ADAMTS17: variants seen among roughly 807,000 people sequenced by gnomAD.
ADAMTS17 encodes A disintegrin and metalloproteinase with thrombospondin motifs 17.
Under a neutral mutation model 141.5 loss-of-function variants are expected in ADAMTS17, and 113 were observed. That is an observed-to-expected ratio of 0.80 (90% CI 0.69 to 0.93). The LOEUF is 0.93. Ranked by LOEUF, ADAMTS17 falls within the 40% of genes least tolerant of loss-of-function variation. The probability of loss-of-function intolerance (pLI) is 0.00; values close to 1 mark genes in which losing one functional copy is unlikely to be tolerated. For missense variants in ADAMTS17, 1,659 were observed against 1,517.9 expected, an observed-to-expected ratio of 1.09 and a Z score of -1.54; for synonymous variants, 768 against 630.6, an observed-to-expected ratio of 1.22 and a Z score of -3.27.
In ADAMTS17 at chr15:100,318,834, G is replaced by A. The variant is rs149347000; in HGVS notation, c.616+12055C>T. Among the ~76,000 whole-genome samples, 27 of 152,334 alleles carry A rather than the reference G, an allele frequency of 1.8e-4. No homozygotes were observed. In the East Asian group the frequency reaches 1.9e-3, roughly 11 times the overall value. The stretch of plus-strand genomic sequence containing the variant: ...AAGGGCCAATGTTAACCTACAACAC[G>A]GAGATGGGGGAATCTGGCCAGGACC... On this transcript the variant is annotated intron_variant, in intron 3 of 21. Transcript: ENST00000268070.
chr15:100,098,579 C>G (rs559442702), intron 14 of ADAMTS17, among the ~76,000 whole-genome samples: 7 of 151,918 alleles, frequency 4.6e-5, no homozygotes, highest in African/African-American at 1.7e-4. Flanking sequence ...AGGAGAGTAG[C>G]TTGAACCTGG....
At chr15:100,136,696 G>A (rs914591108) in intron 10 of ADAMTS17, among the ~76,000 whole-genome samples, 1 of 152,142 alleles carries the variant, frequency 6.6e-6, no homozygotes, top group African/African-American at 2.4e-5. Flanking sequence ...TCATAAAGAA[G>A]AGAACTAAAG....
chr15:100,195,426 C>T (rs1287073939), intron 8 of ADAMTS17, among the ~76,000 whole-genome samples: 1 of 151,934 alleles, frequency 6.6e-6, no homozygotes, highest in Non-Finnish European at 1.5e-5. Flanking sequence ...TGAGAAGGCC[C>T]CGGGCAAGAA....
chr15:100,101,467 G>T (rs4354916), intron 14 of ADAMTS17, among the ~76,000 whole-genome samples: 5,388 of 152,270 alleles, frequency 0.035, 338 homozygotes, highest in African/African-American at 0.12. Flanking sequence ...CCACCCTATG[G>T]GTTTTCTGCT....
chr15:100,200,521 C>T (rs1263274989), intron 7 of ADAMTS17, among the ~76,000 whole-genome samples: 1 of 152,104 alleles, frequency 6.6e-6, no homozygotes. Context: ...CAACAGGGCT[C>T]GCTAGGAAAC....
At chr15:100,267,282 C>T (rs1264536969) in intron 4 of ADAMTS17, among the ~76,000 whole-genome samples, 2 of 151,992 alleles carry the variant, frequency 1.3e-5, no homozygotes, top group African/African-American at 4.8e-5. Context: ...CAAAGTTCAT[C>T]CATGCTGTGG....
intron 3 of ADAMTS17, among the ~76,000 whole-genome samples, chr15:100,318,734 G>A (rs1000910254): frequency 6.6e-5 from 10 of 152,304 alleles, no homozygotes; most frequent in Non-Finnish European, 1.2e-4. Context: ...GAAATCTCAC[G>A]CCTGTAAGTG....
At chr15:100,166,219 T>C (rs1188516462) in intron 8 of ADAMTS17, among the ~76,000 whole-genome samples, 4 of 152,246 alleles carry the variant, frequency 2.6e-5, no homozygotes, top group African/African-American at 7.2e-5. Context: ...TTTTATTCTA[T>C]TGTAATGATT....
chr15:100,236,140 A>G (rs1419883012), intron 7 of ADAMTS17, among the ~76,000 whole-genome samples: 1 of 152,194 alleles, frequency 6.6e-6, no homozygotes, highest in African/African-American at 2.4e-5. Flanking sequence ...GAGCAAGAGA[A>G]CACAGGAAGT....
intron 12 of ADAMTS17, among the ~76,000 whole-genome samples, chr15:100,126,572 G>A (rs1457905794): frequency 6.6e-6 from 1 of 152,208 alleles, no homozygotes; most frequent in Non-Finnish European, 1.5e-5. Context: ...TAGCATCTGG[G>A]CCTCAGTGAG....
intron 15 of ADAMTS17, among the ~76,000 whole-genome samples, chr15:100,076,005 T>C (rs1596357169): frequency 1.3e-5 from 2 of 152,164 alleles, no homozygotes; most frequent in Non-Finnish European, 2.9e-5. Flanking sequence ...TGTTTCTTTC[T>C]TGAGGTTTTG....
chr15:100,321,132 C>T (rs1365136401), intron 3 of ADAMTS17, among the ~76,000 whole-genome samples: 1 of 152,132 alleles, frequency 6.6e-6, no homozygotes, highest in African/African-American at 2.4e-5. Context: ...TTTATATTAT[C>T]AATGAAGGAA....
chr15:100,292,648 G>A (rs2044685875), intron 3 of ADAMTS17, among the ~76,000 whole-genome samples: 1 of 152,240 alleles, frequency 6.6e-6, no homozygotes, highest in Non-Finnish European at 1.5e-5. Flanking sequence ...ACCAAGCACT[G>A]AGTCAGGACT....
chr15:100,182,317 G>C (rs529332089), intron 8 of ADAMTS17, among the ~76,000 whole-genome samples: 1 of 152,142 alleles, frequency 6.6e-6, no homozygotes, highest in East Asian at 1.9e-4. Flanking sequence ...ACTCACTATC[G>C]CAAGAACAGC....
rs1369961431 is a variant in ADAMTS17, at chr15:99,997,677, G to A, written c.2592-88C>T. ...CTTCCGGCCGGATCCTGGAATTGCT[G>A]CCCTGTGGTGGGAGAGAGGGAGGCA... On this transcript the variant is annotated intron_variant, in intron 18 of 21. Coordinates refer to ENST00000268070, the MANE Select transcript of ADAMTS17 (RefSeq NM_139057.4). This position sits in a 1 kb window ranked among gnomAD's most constrained non-coding sequence, Gnocchi z 4.7. The A allele has an allele frequency of 3.3e-6, 5 of 1,536,794 alleles. No individual in the cohort carries two copies. Among genetic ancestry groups the A allele is most frequent in the Non-Finnish European group, 3.6e-6 (4 of 1,118,114 alleles).
intron 3 of ADAMTS17, among the ~76,000 whole-genome samples, chr15:100,330,607 A>G (rs1436753991): frequency 6.6e-6 from 1 of 152,108 alleles, no homozygotes; most frequent in African/African-American, 2.4e-5. Context: ...GCTCGGCTAC[A>G]AGGTTTTTTG....
intron 10 of ADAMTS17, among the ~76,000 whole-genome samples, chr15:100,148,501 T>C (rs1046172141): frequency 6.6e-6 from 1 of 151,978 alleles, no homozygotes; most frequent in African/African-American, 2.4e-5. Context: ...TTGCTGGGTA[T>C]AGAATTGTAG....
intron 7 of ADAMTS17, among the ~76,000 whole-genome samples, chr15:100,225,270 T>C (rs568856537): frequency 2.6e-4 from 39 of 152,364 alleles, no homozygotes; most frequent in Non-Finnish European, 3.7e-4. Context: ...GGGAAGAACA[T>C]ACAAATCATT....
chr15:100,123,451 G>A (rs775926932), intron 12 of ADAMTS17, among the ~76,000 whole-genome samples: 15 of 152,298 alleles, frequency 9.8e-5, no homozygotes, highest in Non-Finnish European at 1.9e-4. Flanking sequence ...GCAGGAAGGC[G>A]CAGCCCTACT....
Sources: gnomAD v4.1 joint callset for allele counts (sites outside exome capture counted in the v4.1 genomes callset) on GRCh38, gnomAD v4.1.1 for gene constraint, Gnocchi (gnomAD v3.1) non-coding constraint, MANE v1.5 for transcripts, NCBI Gene and HGNC (gene_info 2026-07-23, HGNC 2026-07-21) for gene names.